Variants in SLC25A13 observed in about 807,000 individuals in gnomAD.
SLC25A13 encodes electrogenic aspartate/glutamate antiporter SLC25A13, mitochondrial.
SLC25A13 carries 70 observed loss-of-function variants against 85.5 expected under a neutral mutation model. The ratio of observed to expected loss-of-function variants is 0.82; its 90% CI spans 0.68 to 1.00. The LOEUF is 1.00. Among genes scored for constraint, SLC25A13 ranks in the 50% least tolerant of loss-of-function variants. The pLI, the probability that SLC25A13 is intolerant of heterozygous loss-of-function variation, is 0.00. For missense variants in SLC25A13, 765 were observed against 819.8 expected, an observed-to-expected ratio of 0.93 and a Z score of 0.82; for synonymous variants, 259 against 288.7, an observed-to-expected ratio of 0.90 and a Z score of 1.04.
chr7:96,177,962 A>T (rs1794288224), intron 11 of SLC25A13, among the ~76,000 whole-genome samples: 1 of 151,944 alleles, frequency 6.6e-6, no homozygotes, highest in Non-Finnish European at 1.5e-5. Flanking sequence ...TCCCAACTAG[A>T]CTGTTCTGAA....
intron 5 of SLC25A13, among the ~76,000 whole-genome samples, chr7:96,194,271 CAAAA>C (rs150127746): frequency 8.1e-5 from 10 of 123,952 alleles, no homozygotes; most frequent in Admixed American, 2.4e-4. Context: ...CCCATCTCTA[CAAAA>C]AAAAAAAAAA....
intron 5 of SLC25A13, among the ~76,000 whole-genome samples, chr7:96,203,163 T>A (rs965300747): frequency 1.3e-5 from 2 of 152,206 alleles, no homozygotes; most frequent in Non-Finnish European, 2.9e-5. Context: ...AGTCTTAGGA[T>A]AAAGAGCCGT....
At chr7:96,299,190 GCCCT>G (rs1223919443) in intron 1 of SLC25A13, among the ~76,000 whole-genome samples, 1 of 152,114 alleles carries the variant, frequency 6.6e-6, no homozygotes, top group African/African-American at 2.4e-5. Context: ...AACCTCCCCT[GCCCT>G]CAATTTTCAT....
intron 13 of SLC25A13, among the ~76,000 whole-genome samples, chr7:96,152,724 T>G (rs945546599): frequency 6.6e-6 from 1 of 152,016 alleles, no homozygotes; most frequent in African/African-American, 2.4e-5. Flanking sequence ...AAATGGAAAG[T>G]GGCGAGAGAC....
At chr7:96,321,022 C>T (rs1584621497) in intron 1 of SLC25A13, among the ~76,000 whole-genome samples, 1 of 152,116 alleles carries the variant, frequency 6.6e-6, no homozygotes, top group East Asian at 1.9e-4. Context: ...GGGCTGCCTT[C>T]GTGAACTTAA....
intron 13 of SLC25A13, among the ~76,000 whole-genome samples, chr7:96,147,011 C>A (rs1792830091): frequency 6.6e-6 from 1 of 152,004 alleles, no homozygotes. Flanking sequence ...CACCACAGGA[C>A]TCAAAGCCAA....
intron 2 of SLC25A13, among the ~76,000 whole-genome samples, chr7:96,290,091 T>C (rs1377726961): frequency 2.0e-5 from 3 of 151,568 alleles, no homozygotes; most frequent in African/African-American, 7.3e-5. Context: ...CCGACAGATC[T>C]CTGGCCAGAA....
intron 2 of SLC25A13, among the ~76,000 whole-genome samples, chr7:96,287,200 T>C (rs2116968941): frequency 6.6e-6 from 1 of 152,302 alleles, no homozygotes; most frequent in African/African-American, 2.4e-5. Flanking sequence ...CTGACATCCT[T>C]AGCATGCTAA....
chr7:96,252,071 G>A (rs552596516), intron 3 of SLC25A13, among the ~76,000 whole-genome samples: 3 of 152,296 alleles, frequency 2.0e-5, no homozygotes, highest in South Asian at 4.1e-4. Context: ...AACAGAGCTT[G>A]TCTTAGAGTT....
chr7:96,153,111 T>A (rs1317678549), intron 13 of SLC25A13, among the ~76,000 whole-genome samples: 1 of 151,936 alleles, frequency 6.6e-6, no homozygotes, highest in Non-Finnish European at 1.5e-5. Context: ...AATGGAGGAG[T>A]GAAAGGTAGA....
At chr7:96,235,350 G>A (rs1796707150) in intron 3 of SLC25A13, among the ~76,000 whole-genome samples, 1 of 152,104 alleles carries the variant, frequency 6.6e-6, no homozygotes, top group African/African-American at 2.4e-5. Context: ...ATTCACTACT[G>A]GTATTTACTG....
At chr7:96,267,106 A>C (rs977421185) in intron 3 of SLC25A13, among the ~76,000 whole-genome samples, 1 of 152,222 alleles carries the variant, frequency 6.6e-6, no homozygotes, top group Non-Finnish European at 1.5e-5. Flanking sequence ...ATTCTGTATT[A>C]TAACTTGACA....
intron 1 of SLC25A13, among the ~76,000 whole-genome samples, chr7:96,321,046 A>C (rs763710588): frequency 6.6e-6 from 1 of 152,242 alleles, no homozygotes; most frequent in African/African-American, 2.4e-5. Context: ...AAAAGCAATA[A>C]ATTCCAAATG....
At chr7:96,254,758 T>C (rs949904649) in intron 3 of SLC25A13, among the ~76,000 whole-genome samples, 2 of 152,014 alleles carry the variant, frequency 1.3e-5, no homozygotes, top group Non-Finnish European at 2.9e-5. Flanking sequence ...CAAATACACA[T>C]ATAAATTTAC....
chr7:96,295,490 A>G (rs1799311390), intron 2 of SLC25A13, among the ~76,000 whole-genome samples: 1 of 152,224 alleles, frequency 6.6e-6, no homozygotes, highest in South Asian at 2.1e-4. Context: ...ACAAAACTGG[A>G]TTATTTAAAA....
intron 4 of SLC25A13, among the ~76,000 whole-genome samples, chr7:96,217,787 T>C (rs11768132): frequency 0.54 from 81,709 of 151,654 alleles, 23,432 homozygotes; most frequent in Non-Finnish European, 0.63. Flanking sequence ...GTTGGGGTGA[T>C]GAAAATGTTC....
At chr7:96,214,249 T>C (rs1459736441) in intron 4 of SLC25A13, among the ~76,000 whole-genome samples, 2 of 152,176 alleles carry the variant, frequency 1.3e-5, no homozygotes, top group Non-Finnish European at 2.9e-5. Flanking sequence ...ATGGTTATAG[T>C]GAAAAGAGTT....
intron 5 of SLC25A13, among the ~76,000 whole-genome samples, chr7:96,204,610 G>C (rs954724490): frequency 1.2e-4 from 18 of 152,022 alleles, no homozygotes; most frequent in African/African-American, 4.3e-4. Flanking sequence ...CTGCCATTAG[G>C]GTTTATGCCA....
intron 13 of SLC25A13, among the ~76,000 whole-genome samples, chr7:96,167,303 A>G (rs1464518190): frequency 6.6e-6 from 1 of 152,260 alleles, no homozygotes; most frequent in Non-Finnish European, 1.5e-5. Context: ...TATTATATCA[A>G]AAATAATAAA....
Sources: gnomAD v4.1 joint callset for allele counts (sites outside exome capture counted in the v4.1 genomes callset) on GRCh38, gnomAD v4.1.1 for gene constraint, MANE v1.5 for transcripts, NCBI Gene and HGNC (gene_info 2026-07-23, HGNC 2026-07-21) for gene names.